The following ADRA1A variants were observed in gnomAD, a reference collection of about 807,000 sequenced individuals.
The protein encoded by ADRA1A is alpha-1A adrenergic receptor.
In ADRA1A, 31 loss-of-function variants were observed where a neutral mutation model predicts 29.6. That is an observed-to-expected ratio of 1.05 (90% CI 0.79 to 1.41). ADRA1A has a LOEUF of 1.41. Among genes scored for constraint, ADRA1A ranks in the 40% most tolerant of loss-of-function variants. The pLI, the probability that ADRA1A is intolerant of heterozygous loss-of-function variation, is 0.00. For missense variants in ADRA1A, 619 were observed against 601.1 expected (o/e 1.03, Z -0.31); for synonymous variants, 311 against 254.3 (o/e 1.22, Z -2.12).
intron 2 of ADRA1A, among the ~76,000 whole-genome samples, chr8:26,851,502 G>C (rs1812626094): frequency 6.6e-6 from 1 of 152,166 alleles, no homozygotes; most frequent in African/African-American, 2.4e-5. Context: ...ATGAAAATTA[G>C]TTAAATCCTT....
At position 26,807,700 on chromosome 8, in the gene ADRA1A, A is replaced by G. The variant is rs1429310867; in HGVS notation, c.884-37034T>C. Among the ~76,000 whole-genome samples, 4 of 152,192 alleles carry G rather than the reference A, an allele frequency of 2.6e-5. No individual in the cohort carries two copies. The East Asian group carries it at 7.7e-4, about 29-fold the overall frequency. On this transcript the variant is annotated intron_variant, in intron 2 of 2. Transcript: ENST00000380573. The stretch of plus-strand genomic sequence containing the variant: ...GGGAAGGGTGTTTCTTTTGGTGGGA[A>G]TGTAGCATGATGCAAACTAGGAAGT...
At chr8:26,785,836 G>C (rs1208986645) in intron 2 of ADRA1A, among the ~76,000 whole-genome samples, 2 of 152,218 alleles carry the variant, frequency 1.3e-5, no homozygotes, top group East Asian at 1.9e-4. Context: ...TTCACTCACT[G>C]TTAAGAAAAA....
Position 26,757,281 on chromosome 8 carries a change from C to T in ADRA1A, c.1270-502G>A, listed in dbSNP as rs79738904. On this transcript the variant is annotated intron_variant, in intron 2 of 2. Transcript: ENST00000380582. ...GCAGCAAGTCCCTGCCAAATTCAGC[C>T]TCCGAGCATGGCTGACTACCCCGTC... Among the ~76,000 whole-genome samples, 257 of 152,268 alleles carry T rather than the reference C, an allele frequency of 1.7e-3. 5 individuals are homozygous for T. The East Asian group carries it at 0.044, about 26-fold the overall frequency.
chr8:26,864,100 TAAGAAA>T lies in ADRA1A; in HGVS notation c.864_869del (p.Phe288_Phe289del). 2 of 1,613,424 alleles carry T rather than the reference TAAGAAA, an allele frequency of 1.2e-6. No individual in the cohort carries two copies. The highest frequency in any genetic ancestry group is 8.5e-7 in the Non-Finnish European group (1 of 1,179,750). On this transcript the variant is annotated inframe_deletion, in exon 2 of 3. Coordinates refer to ENST00000380573, the MANE Select transcript of ADRA1A (RefSeq NM_000680.4). This position sits in a 1 kb window ranked among gnomAD's most constrained non-coding sequence, Gnocchi z 8.1. ...TTCAAGACTTACCAATGGGCATGAC[TAAGAAA>T]AAAGGCAGCCAGCAGAGGACGAAGC...
At chr8:26,793,641 A>G (rs910522585) in intron 2 of ADRA1A, among the ~76,000 whole-genome samples, 10 of 152,140 alleles carry the variant, frequency 6.6e-5, no homozygotes, top group African/African-American at 2.2e-4. Flanking sequence ...AAGAAATAAT[A>G]TATTTTCAGA....
rs374421073 is a variant in ADRA1A, at chr8:26,782,884, C to G, written c.884-12218G>C. ...TGCTTCTCTGCTTCACTTTGGGCAG[C>G]CTTCCTCTCACTTGTCCAAGCCAGA... On this transcript the variant is annotated intron_variant, in intron 2 of 2. Coordinates refer to ENST00000380573, the MANE Select transcript of ADRA1A (RefSeq NM_000680.4). 2.4e-4 allele frequency among the ~76,000 whole-genome samples: 37 copies of G among 152,202 alleles called. No homozygotes were observed. In the East Asian group the frequency reaches 6.8e-3, roughly 28 times the overall value.
intron 2 of ADRA1A, among the ~76,000 whole-genome samples, chr8:26,845,452 A>G (rs1271612956): frequency 6.6e-6 from 1 of 152,228 alleles, no homozygotes; most frequent in East Asian, 1.9e-4. Context: ...GTGAGGATGT[A>G]GAGAAACTAG....
intron 2 of ADRA1A, among the ~76,000 whole-genome samples, chr8:26,814,207 A>G (rs1397339764): frequency 2.6e-5 from 4 of 151,928 alleles, no homozygotes; most frequent in African/African-American, 9.7e-5. Context: ...AAAAAAACAT[A>G]CTTCCTAGAA....
chr8:26,785,272 T>C (rs1310394537), intron 2 of ADRA1A, among the ~76,000 whole-genome samples: 1 of 152,236 alleles, frequency 6.6e-6, no homozygotes, highest in African/African-American at 2.4e-5. Context: ...CTAGTCTATA[T>C]GTATTTCAAT....
chr8:26,849,008 C>T (rs188053273), intron 2 of ADRA1A, among the ~76,000 whole-genome samples: 5 of 152,306 alleles, frequency 3.3e-5, no homozygotes, highest in East Asian at 1.9e-4. Flanking sequence ...GAATTCCAGA[C>T]GGAGCTGAAC....
At position 26,787,881 on chromosome 8, in the gene ADRA1A, T is replaced by A. The variant is rs1807511680; in HGVS notation, c.884-17215A>T. Among the ~76,000 whole-genome samples, 1 of 151,712 alleles carries A rather than the reference T, an allele frequency of 6.6e-6. No homozygotes were observed. Among genetic ancestry groups the A allele is most frequent in the Admixed American group, 6.6e-5 (1 of 15,180 alleles). ...CAGCTCTGCATCTACTTTCAGGGTA[T>A]CTTCTCAGTCATTAGTGCTATCTTG... On this transcript the variant is annotated intron_variant, in intron 2 of 2. Coordinates refer to ENST00000380573, the MANE Select transcript of ADRA1A (RefSeq NM_000680.4). The surrounding 1 kb of genome is among the most constrained non-coding windows in gnomAD (Gnocchi z 4.2).
At position 26,770,024 on chromosome 8, in the gene ADRA1A, C is replaced by T; in HGVS notation, c.*125G>A. On this transcript the variant is annotated 3_prime_UTR_variant, in exon 3 of 3. Coordinates refer to ENST00000380573, the MANE Select transcript of ADRA1A (RefSeq NM_000680.4). ...CCTGATGAGTTGGGTCTACCACCCA[C>T]CCCATTCCCAGCAGGTCCCCTCTTT... is the stretch of plus-strand genomic sequence containing the variant. The T allele has an allele frequency of 6.8e-6, 10 of 1,478,110 alleles. No individual in the cohort carries two copies. The highest frequency in any genetic ancestry group is 2.2e-4 in the Middle Eastern group (1 of 4,508). 91.6% of individuals were successfully genotyped at this position (1,478,110 alleles called of 1,614,324 possible).
chr8:26,773,796 G>T lies in ADRA1A; in HGVS notation c.884-3130C>A, dbSNP rs111480438. 5.3e-5 allele frequency among the ~76,000 whole-genome samples: 8 copies of T among 151,812 alleles called. No homozygotes were observed. The South Asian group carries it at 1.5e-3, about 28-fold the overall frequency. On this transcript the variant is annotated intron_variant, in intron 2 of 2. Transcript: ENST00000380573. ...TCCTTCCCATCCCTTCTTTCCTTGC[G>T]TGGCCCTGCTCTTAATTCCAGGTAT...
intron 2 of ADRA1A, among the ~76,000 whole-genome samples, chr8:26,792,721 A>C (rs1401273496): frequency 1.4e-5 from 2 of 147,618 alleles, no homozygotes; most frequent in African/African-American, 5.1e-5. Context: ...GCACATAGTA[A>C]GGTCATATAC....
intron 2 of ADRA1A, among the ~76,000 whole-genome samples, chr8:26,781,804 C>T (rs1328327395): frequency 6.6e-6 from 1 of 152,218 alleles, no homozygotes. Flanking sequence ...ACAACCAAAA[C>T]TGATCTCCCA....
At chr8:26,813,438 C>T (rs1245879443) in intron 2 of ADRA1A, among the ~76,000 whole-genome samples, 1 of 152,160 alleles carries the variant, frequency 6.6e-6, no homozygotes, top group Non-Finnish European at 1.5e-5. Context: ...AATTAAGACC[C>T]TACTTGCAAG....
chr8:26,803,919 C>CTTTTTTT (rs34314160), intron 2 of ADRA1A, among the ~76,000 whole-genome samples: 12 of 95,222 alleles, frequency 1.3e-4, no homozygotes, highest in African/African-American at 2.7e-4. Context: ...TGGAAGTTTC[C>CTTTTTTT]TTTTTTTTTT....
At chr8:26,812,367 T>C (rs1809454489) in intron 2 of ADRA1A, among the ~76,000 whole-genome samples, 1 of 152,138 alleles carries the variant, frequency 6.6e-6, no homozygotes, top group African/African-American at 2.4e-5. Context: ...GATACTCAGG[T>C]TAAAATAATG....
intron 2 of ADRA1A, among the ~76,000 whole-genome samples, chr8:26,793,346 G>A (rs2130435678): frequency 6.6e-6 from 1 of 152,030 alleles, no homozygotes; most frequent in Admixed American, 6.6e-5. Flanking sequence ...CTGAAAATGA[G>A]AGCTTCATGC....
Sources: gnomAD v4.1 joint callset for allele counts (sites outside exome capture counted in the v4.1 genomes callset) on GRCh38, gnomAD v4.1.1 for gene constraint, Gnocchi (gnomAD v3.1) non-coding constraint, MANE v1.5 for transcripts, NCBI Gene and HGNC (gene_info 2026-07-23, HGNC 2026-07-21) for gene names.